Variants in SGPL1 observed in about 807,000 individuals in gnomAD.
SGPL1 encodes the protein sphingosine-1-phosphate lyase 1, also known as SP-lyase 1.
SGPL1 carries 37 observed loss-of-function variants against 68.9 expected under a neutral mutation model. The observed-to-expected ratio is 0.54, with a 90% CI of 0.41 to 0.71. The LOEUF (loss-of-function observed/expected upper bound fraction) is 0.71. Among genes scored for constraint, SGPL1 ranks in the 30% least tolerant of loss-of-function variants. The pLI is 0.00. For synonymous variants in SGPL1, 236 were observed against 248.5 expected (o/e 0.95, Z 0.47); for missense variants, 551 against 704.6 (o/e 0.78, Z 2.47).
chr10:70,851,815 G>A (rs1220140302), intron 4 of SGPL1, among the ~76,000 whole-genome samples: 1 of 152,178 alleles, frequency 6.6e-6, no homozygotes, highest in Non-Finnish European at 1.5e-5. Flanking sequence ...AGAGGTTCAG[G>A]AATGAGCCTG....
chr10:70,867,561 CAA>C (rs1257961058), intron 7 of SGPL1, among the ~76,000 whole-genome samples: 12 of 101,758 alleles, frequency 1.2e-4, no homozygotes, highest in East Asian at 3.0e-4. Flanking sequence ...GACTCTGTCT[CAA>C]AAAAAAAAAA....
intron 7 of SGPL1, among the ~76,000 whole-genome samples, chr10:70,860,922 A>G (rs931134797): frequency 6.6e-6 from 1 of 152,118 alleles, no homozygotes; most frequent in Non-Finnish European, 1.5e-5. Context: ...TCTTATTCAG[A>G]TTGATGTACA....
chr10:70,840,439 T>G lies in SGPL1; in HGVS notation c.28-4034T>G, dbSNP rs545832502. Among the ~76,000 whole-genome samples, 9 of 152,176 alleles carry G rather than the reference T, an allele frequency of 5.9e-5. 1 individual carries two copies. Among genetic ancestry groups the G allele is most frequent in the Admixed American group, 2.0e-4 (3 of 15,278 alleles). The stretch of plus-strand genomic sequence containing the variant: ...AGGTCCTAAGGAACTGCATCATCCT[T>G]TAGTCCAAGGAGATAGGATACCTTA... On this transcript the variant is annotated intron_variant, in intron 2 of 14. Coordinates refer to ENST00000373202, the MANE Select transcript of SGPL1 (RefSeq NM_003901.4).
At chr10:70,874,736 TAAATAA>T (rs1371411222) in intron 12 of SGPL1, among the ~76,000 whole-genome samples, 1 of 151,700 alleles carries the variant, frequency 6.6e-6, no homozygotes, top group Non-Finnish European at 1.5e-5. Context: ...AAATAAAAAA[TAAATAA>T]AAATAAAAAT....
intron 2 of SGPL1, among the ~76,000 whole-genome samples, chr10:70,837,181 G>A (rs999259600): frequency 3.3e-5 from 5 of 151,812 alleles, no homozygotes; most frequent in East Asian, 1.9e-4. Context: ...AGGTTCAAGC[G>A]ATTCTCATGC....
chr10:70,851,780 C>CT (rs1845886532), intron 4 of SGPL1, among the ~76,000 whole-genome samples: 1 of 152,218 alleles, frequency 6.6e-6, no homozygotes, highest in African/African-American at 2.4e-5. Flanking sequence ...CTCCTCACCT[C>CT]TGCCCTTGCA....
chr10:70,876,495 T>C (rs1846388454), intron 13 of SGPL1, 46 bp from the exon 14 acceptor site: 1 of 1,559,974 alleles, frequency 6.4e-7, no homozygotes, highest in Non-Finnish European at 8.7e-7. Context: ...TTTAGAACAT[T>C]TTTTCTTTCT....
intron 3 of SGPL1, among the ~76,000 whole-genome samples, chr10:70,847,934 C>G (rs897234864): frequency 6.6e-6 from 1 of 152,184 alleles, no homozygotes; most frequent in African/African-American, 2.4e-5. Context: ...ATTTCTGGAA[C>G]AAAGGATGGA....
At chr10:70,845,018 G>T (rs1020865194) in intron 3 of SGPL1, among the ~76,000 whole-genome samples, 14 of 152,144 alleles carry the variant, frequency 9.2e-5, no homozygotes, top group Admixed American at 7.9e-4. Flanking sequence ...GATTACAAGC[G>T]TGAGCCACCG....
chr10:70,828,746 A>G (rs1845481188), intron 2 of SGPL1, among the ~76,000 whole-genome samples: 1 of 152,212 alleles, frequency 6.6e-6, no homozygotes, highest in Non-Finnish European at 1.5e-5. Flanking sequence ...CTATTGTAGT[A>G]ACACTTTATA....
intron 4 of SGPL1, among the ~76,000 whole-genome samples, chr10:70,853,818 C>T (rs568948987): frequency 4.6e-5 from 7 of 152,294 alleles, no homozygotes; most frequent in Non-Finnish European, 8.8e-5. Flanking sequence ...TGCAAGCTGT[C>T]GACAGCAGCT....
chr10:70,822,556 G>A (rs1845357016), intron 2 of SGPL1, among the ~76,000 whole-genome samples: 2 of 152,202 alleles, frequency 1.3e-5, no homozygotes, highest in African/African-American at 4.8e-5. Context: ...ATGTGTAAAT[G>A]TACAGAACCC....
At chr10:70,866,016 CT>C (rs1173818240) in intron 7 of SGPL1, among the ~76,000 whole-genome samples, 5 of 152,136 alleles carry the variant, frequency 3.3e-5, no homozygotes, top group Admixed American at 3.3e-4. Context: ...ATTCCTGTTT[CT>C]CTTTGGGTAT....
intron 4 of SGPL1, among the ~76,000 whole-genome samples, chr10:70,851,923 G>C (rs565155526): frequency 1.3e-5 from 2 of 152,276 alleles, no homozygotes; most frequent in Middle Eastern, 3.4e-3. Flanking sequence ...GCTGTCTCTT[G>C]CTGTTTGCAA....
At chr10:70,827,593 A>G (rs759035516) in intron 2 of SGPL1, among the ~76,000 whole-genome samples, 4 of 152,194 alleles carry the variant, frequency 2.6e-5, no homozygotes, top group Non-Finnish European at 5.9e-5. Context: ...ATCCTAGCCC[A>G]TTATTCAGGC....
chr10:70,835,735 C>CGAAAAAAAAAA (rs1845617610), intron 2 of SGPL1, among the ~76,000 whole-genome samples: 1 of 70,130 alleles, frequency 1.4e-5, no homozygotes, highest in Admixed American at 1.6e-4. Flanking sequence ...GACTCCGTCT[C>CGAAAAAAAAAA]AAAAAAAAAA....
At chr10:70,839,419 T>C (rs1312165496) in intron 2 of SGPL1, among the ~76,000 whole-genome samples, 2 of 152,130 alleles carry the variant, frequency 1.3e-5, no homozygotes, top group African/African-American at 2.4e-5. Flanking sequence ...ATAGAAACTG[T>C]ACTGAAACTA....
intron 14 of SGPL1, 128 bp from the exon 15 acceptor site, chr10:70,877,067 A>G: frequency 1.2e-6 from 1 of 811,798 alleles, no homozygotes; most frequent in Admixed American, 2.4e-5. Flanking sequence ...GGGATGCCTT[A>G]GGTGGAAATG....
chr10:70,860,330 A>T lies in SGPL1; in HGVS notation c.615+831A>T, dbSNP rs1341663343. 4 of 461,028 alleles carry T rather than the reference A, an allele frequency of 8.7e-6. No individual in the cohort carries two copies. In the Admixed American group the frequency reaches 1.0e-4, roughly 11 times the overall value. 28.6% of individuals were successfully genotyped at this position (461,028 alleles called of 1,614,324 possible). On this transcript the variant is annotated intron_variant, in intron 7 of 14. Coordinates refer to ENST00000373202, the MANE Select transcript of SGPL1 (RefSeq NM_003901.4). ...TATTTGCAGTCATTATAAAGACTGC[A>T]GATTTAATTATTGAAGGGCCCATTC...
Sources: allele counts gnomAD v4.1 joint callset (sites outside exome capture counted in the v4.1 genomes callset), GRCh38; gene constraint gnomAD v4.1.1; transcripts MANE v1.5; gene names NCBI Gene and HGNC (gene_info 2026-07-23, HGNC 2026-07-21).